PHACTR3: variants seen among roughly 807,000 people sequenced by gnomAD.
The protein encoded by PHACTR3 is protein phosphatase 1, regulatory subunit 123.
PHACTR3 carries 16 observed loss-of-function variants against 66.8 expected under a neutral mutation model. That is an observed-to-expected ratio of 0.24 (90% CI 0.16 to 0.36). PHACTR3 has a LOEUF of 0.36. Among genes scored for constraint, PHACTR3 ranks in the 10% least tolerant of loss-of-function variants. PHACTR3 has a pLI of 1.00. For missense variants in PHACTR3, 647 were observed against 719.9 expected, an observed-to-expected ratio of 0.90 and a Z score of 1.16; for synonymous variants, 323 against 292.1, an observed-to-expected ratio of 1.11 and a Z score of -1.08.
At chr20:59,692,949 T>A (rs1348866653) in intron 1 of PHACTR3, among the ~76,000 whole-genome samples, 1 of 152,228 alleles carries the variant, frequency 6.6e-6, no homozygotes, top group Non-Finnish European at 1.5e-5. Flanking sequence ...TTGTTTAATG[T>A]TTCTAAGCCT....
rs140492796 is a variant in PHACTR3 at position 59,759,999 on chromosome 20, C to T, written c.541+4635C>T. 4.4e-3 allele frequency among the ~76,000 whole-genome samples: 664 copies of T among 152,256 alleles called. 6 individuals carry two copies. The highest frequency in any genetic ancestry group is 0.014 in the African/African-American group (602 of 41,540). ...AGCCCCTGGGGTGTCTGCAGTGGTG[C>T]TCATTGCTGTCCTGAAAGGTCAGCT... On this transcript the variant is annotated intron_variant, in intron 4 of 12. Coordinates refer to ENST00000371015, the MANE Select transcript of PHACTR3 (RefSeq NM_080672.5).
intron 1 of PHACTR3, among the ~76,000 whole-genome samples, chr20:59,590,931 G>T (rs550079615): frequency 1.3e-5 from 2 of 152,150 alleles, no homozygotes; most frequent in Non-Finnish European, 2.9e-5. Context: ...ATCTCTGAGC[G>T]CTGCGCTGTC....
chr20:59,683,950 A>G (rs1424830103), intron 1 of PHACTR3, among the ~76,000 whole-genome samples: 1 of 152,212 alleles, frequency 6.6e-6, no homozygotes, highest in Non-Finnish European at 1.5e-5. Flanking sequence ...GGTTTGCCTT[A>G]GGACTATGTA....
At chr20:59,624,172 G>A (rs1206280354) in intron 1 of PHACTR3, among the ~76,000 whole-genome samples, 2 of 152,036 alleles carry the variant, frequency 1.3e-5, no homozygotes, top group Non-Finnish European at 2.9e-5. Context: ...CCCTCTTTTG[G>A]TGCTCTCATG....
chr20:59,801,694 G>A (rs574349625), intron 7 of PHACTR3, among the ~76,000 whole-genome samples: 2 of 152,164 alleles, frequency 1.3e-5, no homozygotes, highest in Admixed American at 6.5e-5. Flanking sequence ...CAATGAACAA[G>A]GTATAATCCT....
chr20:59,624,247 C>T (rs1250434159), intron 1 of PHACTR3, among the ~76,000 whole-genome samples: 1 of 152,144 alleles, frequency 6.6e-6, no homozygotes, highest in African/African-American at 2.4e-5. Flanking sequence ...CCAACCCCTC[C>T]GTGGCTGCAT....
At chr20:59,711,598 C>G (rs2426819) in intron 1 of PHACTR3, among the ~76,000 whole-genome samples, 59,956 of 152,028 alleles carry the variant, frequency 0.39, 13,103 homozygotes, top group Middle Eastern at 0.52. Context: ...ACATCATAGC[C>G]TCGCCTGTCA....
intron 11 of PHACTR3, among the ~76,000 whole-genome samples, chr20:59,842,169 CAG>C (rs1600759968): frequency 6.6e-6 from 1 of 152,152 alleles, no homozygotes; most frequent in Admixed American, 6.5e-5. Context: ...TTGGTGAGCA[CAG>C]AGAGGGTCAG....
chr20:59,832,186 G>A (rs1444021525), intron 8 of PHACTR3, among the ~76,000 whole-genome samples: 2 of 152,188 alleles, frequency 1.3e-5, no homozygotes, highest in Non-Finnish European at 2.9e-5. Context: ...GATTCCAGCT[G>A]TAGTAGCTGC....
At chr20:59,672,505 C>G (rs1485532486) in intron 1 of PHACTR3, among the ~76,000 whole-genome samples, 1 of 152,178 alleles carries the variant, frequency 6.6e-6, no homozygotes, top group Non-Finnish European at 1.5e-5. Context: ...CTGTGGAATC[C>G]ACCTGTGTGA....
intron 7 of PHACTR3, among the ~76,000 whole-genome samples, chr20:59,785,551 C>T (rs1457255862): frequency 1.3e-5 from 2 of 152,076 alleles, no homozygotes; most frequent in African/African-American, 2.4e-5. Flanking sequence ...AGCTGTGGGC[C>T]CCTGGCTGCA....
intron 1 of PHACTR3, among the ~76,000 whole-genome samples, chr20:59,695,016 A>T (rs1324173331): frequency 6.6e-6 from 1 of 152,138 alleles, no homozygotes; most frequent in Non-Finnish European, 1.5e-5. Flanking sequence ...ATGCTGTGAT[A>T]TGCATTTTCA....
intron 6 of PHACTR3, among the ~76,000 whole-genome samples, chr20:59,773,969 T>G (rs1468307310): frequency 2.0e-5 from 3 of 152,220 alleles, no homozygotes; most frequent in Non-Finnish European, 2.9e-5. Context: ...CTTCTCAGTT[T>G]TTGTGAAGTC....
Position 59,829,057 on chromosome 20 carries a change from G to A in PHACTR3, c.1329-7448G>A, listed in dbSNP as rs2042272169. On this transcript the variant is annotated intron_variant, in intron 8 of 12. Coordinates refer to ENST00000371015, the MANE Select transcript of PHACTR3 (RefSeq NM_080672.5). This position sits in a 1 kb window ranked among gnomAD's most constrained non-coding sequence, Gnocchi z 4.2. Reference sequence around the variant, plus strand: ...GCCAGTTCTCCCAGGGGTCTGGTGTGTGCCTGGGTGGTGGCTGGAGCCAGC... The same window carrying A: ...GCCAGTTCTCCCAGGGGTCTGGTGTATGCCTGGGTGGTGGCTGGAGCCAGC... Among the ~76,000 whole-genome samples the A allele has an allele frequency of 6.6e-6, 1 of 152,152 alleles. No homozygotes were observed. The highest frequency in any genetic ancestry group is 1.5e-5 in the Non-Finnish European group (1 of 68,004).
intron 8 of PHACTR3, among the ~76,000 whole-genome samples, chr20:59,824,628 C>T (rs1441165907): frequency 6.6e-6 from 1 of 152,126 alleles, no homozygotes; most frequent in African/African-American, 2.4e-5. Flanking sequence ...CATCCTCATA[C>T]GTGTGTCTGT....
intron 1 of PHACTR3, among the ~76,000 whole-genome samples, chr20:59,652,441 C>T (rs538050355): frequency 7.2e-5 from 11 of 152,280 alleles, no homozygotes; most frequent in African/African-American, 2.6e-4. Context: ...GTGCCAGCTA[C>T]TCAGGAGGCT....
chr20:59,788,697 C>T (rs533725095), intron 7 of PHACTR3, among the ~76,000 whole-genome samples: 1 of 152,332 alleles, frequency 6.6e-6, no homozygotes, highest in Non-Finnish European at 1.5e-5. Context: ...CATTTGTCCA[C>T]TGTCCCTGCA....
intron 1 of PHACTR3, among the ~76,000 whole-genome samples, chr20:59,683,335 G>T (rs1032794093): frequency 6.6e-6 from 1 of 152,222 alleles, no homozygotes; most frequent in African/African-American, 2.4e-5. Flanking sequence ...ACAACTCTGT[G>T]CTTGGGAGAG....
At chr20:59,767,053 A>G (rs2040202578) in intron 4 of PHACTR3, 133 bp from the exon 5 acceptor site, 1 of 771,638 alleles carries the variant, frequency 1.3e-6, no homozygotes, top group South Asian at 1.8e-5. Context: ...CAGGAAGTCA[A>G]GTGCCTGTGT....
Sources: allele counts gnomAD v4.1 joint callset (sites outside exome capture counted in the v4.1 genomes callset), GRCh38; gene constraint gnomAD v4.1.1; non-coding constraint Gnocchi (gnomAD v3.1); transcripts MANE v1.5; gene names NCBI Gene and HGNC (gene_info 2026-07-23, HGNC 2026-07-21).